Variants in HTR5A observed in about 807,000 individuals in gnomAD.
HTR5A encodes 5-hydroxytryptamine receptor 5A, also known as 5-HT-5.
Under a neutral mutation model 24.3 loss-of-function variants are expected in HTR5A, and 21 were observed. The ratio of observed to expected loss-of-function variants is 0.86; its 90% confidence interval spans 0.61 to 1.24. HTR5A has a LOEUF of 1.24. Ranked by LOEUF, HTR5A falls within the 50% of genes most tolerant of loss-of-function variation. HTR5A has a pLI of 0.00. For missense variants in HTR5A, 497 were observed against 489.5 expected, an observed-to-expected ratio of 1.02 and a Z score of -0.15; for synonymous variants, 260 against 213.7, an observed-to-expected ratio of 1.22 and a Z score of -1.89.
rs1795456945 is a variant in HTR5A, at chr7:155,084,680, G to A, written c.*193G>A. On this transcript the variant is annotated 3_prime_UTR_variant, in exon 2 of 2. Transcript: ENST00000287907. The stretch of plus-strand genomic sequence containing the variant: ...ATATGACTCCTCATAGAGTTACGGT[G>A]ACATGATGTATCTAACTTATCTACT... 5 of 574,768 alleles carry A rather than the reference G, an allele frequency of 8.7e-6. No individual in the cohort carries two copies. Among genetic ancestry groups the A allele is most frequent in the Non-Finnish European group, 1.2e-5 (4 of 326,452 alleles). The allele number at this position is 574,768 out of a possible 1,614,324, so 35.6% of individuals were successfully genotyped here. A position where few individuals can be genotyped will look rare whatever the true frequency, so the allele number is the denominator to read the frequency against.
At chr7:155,080,060 T>C (rs1795399528) in intron 1 of HTR5A, among the ~76,000 whole-genome samples, 1 of 152,194 alleles carries the variant, frequency 6.6e-6, no homozygotes, top group Non-Finnish European at 1.5e-5. Context: ...CAATGCCTTA[T>C]AGAATAGTTC....
Position 155,085,927 on chromosome 7 carries a change from T to C in HTR5A, c.*1440T>C, listed in dbSNP as rs1795472283. ...CAGATAAAGAAATGTTAGACACCTG[T>C]GAAGTCACAATTAATATGCTAAATG... On this transcript the variant is annotated 3_prime_UTR_variant, in exon 2 of 2. Coordinates refer to ENST00000287907, the MANE Select transcript of HTR5A (RefSeq NM_024012.4). Among the ~76,000 whole-genome samples the C allele has an allele frequency of 6.6e-6, 1 of 152,188 alleles. No homozygotes were observed. The highest frequency in any genetic ancestry group is 2.4e-5 in the African/African-American group (1 of 41,454).
In HTR5A at chr7:155,071,040, G is replaced by T. The variant is rs1227287639; in HGVS notation, c.141G>T (p.Leu47=). ...TCGGAGTGCTTATTCTCACCTTGCT[G>T]GGCTTTCTGGTGGCGGCGACGTTCG... ...SVFGVLILTL[L]GFLVAATFAW... Residue 47 remains leucine, a synonymous_variant, in exon 1 of 2, where the codon CTG becomes CTT. Transcript: ENST00000287907. 7 of 1,610,944 alleles carry T rather than the reference G, an allele frequency of 4.3e-6. No homozygotes were observed. In the African/African-American group the frequency reaches 5.3e-5, roughly 12 times the overall value.
intron 1 of HTR5A, among the ~76,000 whole-genome samples, chr7:155,072,055 G>A (rs1354151709): frequency 6.6e-6 from 1 of 152,210 alleles, no homozygotes; most frequent in African/African-American, 2.4e-5. Context: ...TCCAGGAGGA[G>A]GGGAGGCAGG....
rs775484626 is a variant in HTR5A at position 155,084,503 on chromosome 7, T to C, written c.*16T>C. 6 of 1,573,096 alleles carry C rather than the reference T, an allele frequency of 3.8e-6. No individual in the cohort carries two copies. In the South Asian group the frequency reaches 4.7e-5, roughly 12 times the overall value. On this transcript the variant is annotated 3_prime_UTR_variant, in exon 2 of 2. Coordinates refer to ENST00000287907, the MANE Select transcript of HTR5A (RefSeq NM_024012.4). ...GCAACACTGAGGGAGAGGACCAGGA[T>C]TGAAAAAAGTTTCTTCCCATAATTC...
In HTR5A at chr7:155,084,540, C is replaced by A; in HGVS notation, c.*53C>A. 7.1e-7 allele frequency: 1 copy of A among 1,416,510 alleles called. No individual in the cohort carries two copies. The highest frequency in any genetic ancestry group is 1.3e-5 in the South Asian group (1 of 76,258). The allele number at this position is 1,416,510 out of a possible 1,614,324, so 87.7% of individuals were successfully genotyped here. On this transcript the variant is annotated 3_prime_UTR_variant, in exon 2 of 2. Transcript: ENST00000287907. ...TCTTCCCATAATTCAGTGGAATTCCCAGTTCATCCATTTCCCATCCCCACC... is the reference window on the plus strand; with the variant it reads ...TCTTCCCATAATTCAGTGGAATTCCAAGTTCATCCATTTCCCATCCCCACC...
intron 1 of HTR5A, among the ~76,000 whole-genome samples, chr7:155,081,696 G>A (rs542186435): frequency 1.3e-5 from 2 of 152,308 alleles, no homozygotes; most frequent in South Asian, 2.1e-4. Context: ...TGGATTAGAA[G>A]AGAGCAAAGA....
intron 1 of HTR5A, among the ~76,000 whole-genome samples, chr7:155,083,488 G>A (rs1208715380): frequency 2.6e-5 from 4 of 152,262 alleles, no homozygotes; most frequent in Non-Finnish European, 5.9e-5. Context: ...CTTGAGAGAA[G>A]GAAGTGAACT....
intron 1 of HTR5A, 85 bp from the exon 2 acceptor site, chr7:155,084,070 G>A (rs1730208): frequency 0.27 from 299,594 of 1,107,978 alleles, 43,600 homozygotes; most frequent in South Asian, 0.3. Flanking sequence ...GTGGATGTGC[G>A]GAATCCAGGC....
chr7:155,070,352 C>G lies in HTR5A; in HGVS notation c.-548C>G, dbSNP rs781165605. ...ATTCGCTCTCCGGAGCTGCAGCCTC[C>G]GAAGGGGTGGCGGGGGCAACAGGGA... On this transcript the variant is annotated 5_prime_UTR_variant, in exon 1 of 2. Coordinates refer to ENST00000287907, the MANE Select transcript of HTR5A (RefSeq NM_024012.4). 1.3e-5 allele frequency: 6 copies of G among 454,084 alleles called. No individual in the cohort carries two copies. Among genetic ancestry groups the G allele is most frequent in the Non-Finnish European group, 2.7e-5 (6 of 226,146 alleles). The allele number at this position is 454,084 out of a possible 1,614,324, so 28.1% of individuals were successfully genotyped here.
chr7:155,073,877 G>GTATATATATATATGTGTGTA (rs1554519613), intron 1 of HTR5A, among the ~76,000 whole-genome samples: 2 of 8,018 alleles, frequency 2.5e-4, no homozygotes, highest in Non-Finnish European at 2.0e-3. Flanking sequence ...ATATATATAT[G>GTATATATATATATGTGTGTA]TATATATATA....
At position 155,086,595 on chromosome 7, in the gene HTR5A, G is replaced by A. The variant is rs1021113611; in HGVS notation, c.*2108G>A. Among the ~76,000 whole-genome samples the A allele has an allele frequency of 1.4e-4, 21 of 152,136 alleles. No homozygotes were observed. The highest frequency in any genetic ancestry group is 2.9e-4 in the African/African-American group (12 of 41,430). On this transcript the variant is annotated 3_prime_UTR_variant, in exon 2 of 2. Coordinates refer to ENST00000287907, the MANE Select transcript of HTR5A (RefSeq NM_024012.4). ...TCAATATGTATTTAACACCTCTCAGGTGTCACTTAAATTATACATTATATA... is the reference window on the plus strand; with the variant it reads ...TCAATATGTATTTAACACCTCTCAGATGTCACTTAAATTATACATTATATA...
At chr7:155,080,117 C>G (rs1427275426) in intron 1 of HTR5A, among the ~76,000 whole-genome samples, 1 of 152,182 alleles carries the variant, frequency 6.6e-6, no homozygotes, top group Non-Finnish European at 1.5e-5. Context: ...AACAAAAACC[C>G]ATGCAACAAG....
At chr7:155,077,689 TC>T (rs1439113253) in intron 1 of HTR5A, among the ~76,000 whole-genome samples, 1 of 152,176 alleles carries the variant, frequency 6.6e-6, no homozygotes, top group Non-Finnish European at 1.5e-5. Context: ...GGTCCCGAAC[TC>T]CTGACCTCAG....
At position 155,071,303 on chromosome 7, in the gene HTR5A, T is replaced by C. The variant is rs766750173; in HGVS notation, c.404T>C (p.Ile135Thr). 1 of 1,610,784 alleles carries C rather than the reference T, an allele frequency of 6.2e-7. No individual in the cohort carries two copies. The highest frequency in any genetic ancestry group is 8.5e-7 in the Non-Finnish European group (1 of 1,179,982). The change falls in exon 1 of 2, where the codon ATA becomes ACA. Residue 135 changes from isoleucine (I) to threonine (T), a missense_variant. Transcript: ENST00000287907. ...GCCAGCATCTGGAACGTGACGGCCA[T>C]AGCCCTGGACCGCTACTGGTCCATC... ...CTASIWNVTA[I>T]ALDRYWSITR... is the part of the protein sequence containing the mutation.
intron 1 of HTR5A, chr7:155,077,098 C>T (rs1795366553): frequency 6.6e-6 from 1 of 152,188 alleles, no homozygotes; most frequent in South Asian, 2.1e-4. Context: ...CATAGAGATT[C>T]TAGAACCATC....
rs1795460938 is a variant in HTR5A, at chr7:155,085,013, ACT to A, written c.*527_*528del. The A allele has an allele frequency of 6.5e-6, 1 of 153,422 alleles. No homozygotes were observed. The highest frequency in any genetic ancestry group is 1.4e-5 in the Non-Finnish European group (1 of 69,056). 9.5% of individuals were successfully genotyped at this position (153,422 alleles called of 1,614,324 possible). On this transcript the variant is annotated 3_prime_UTR_variant, in exon 2 of 2. Transcript: ENST00000287907. ...ATGACCCAAGAGTTGACCACAAAAC[ACT>A]GTCTCCAAATATATTAAAGTATATA...
intron 1 of HTR5A, among the ~76,000 whole-genome samples, chr7:155,075,626 T>C (rs1381601010): frequency 6.6e-6 from 1 of 152,326 alleles, no homozygotes; most frequent in South Asian, 2.1e-4. Context: ...GGTAGCTATG[T>C]TCCTTTTTCT....
chr7:155,084,676 C>T lies in HTR5A; in HGVS notation c.*189C>T, dbSNP rs1946915. On this transcript the variant is annotated 3_prime_UTR_variant, in exon 2 of 2. Coordinates refer to ENST00000287907, the MANE Select transcript of HTR5A (RefSeq NM_024012.4). ...AGGAATATGACTCCTCATAGAGTTA[C>T]GGTGACATGATGTATCTAACTTATC... 527,342 of 581,194 alleles carry T rather than the reference C, an allele frequency of 0.91. 243,011 individuals carry two copies. Among genetic ancestry groups the T allele is most frequent in the Non-Finnish European group, 0.96 (317,286 of 330,662 alleles). 36.0% of individuals were successfully genotyped at this position (581,194 alleles called of 1,614,324 possible). A position where few individuals can be genotyped will look rare whatever the true frequency, so the allele number is the denominator to read the frequency against.
Sources: gnomAD v4.1 joint callset for allele counts (sites outside exome capture counted in the v4.1 genomes callset) on GRCh38, gnomAD v4.1.1 for gene constraint, MANE v1.5 for transcripts, NCBI Gene and HGNC (gene_info 2026-07-23, HGNC 2026-07-21) for gene names.